RAB17: variants seen among roughly 807,000 people sequenced by gnomAD.
The protein encoded by RAB17 is RAB17, member RAS oncogene family.
Under a neutral mutation model 19.3 loss-of-function variants are expected in RAB17, and 15 were observed. The ratio of observed to expected loss-of-function variants is 0.78; its 90% CI spans 0.52 to 1.20. The LOEUF is 1.20. Ranked by LOEUF, RAB17 falls within the 50% of genes most tolerant of loss-of-function variation. The probability of loss-of-function intolerance (pLI) is 0.00; values close to 1 mark genes in which losing one functional copy is unlikely to be tolerated. For synonymous variants in RAB17, 110 were observed against 112.8 expected (o/e 0.97, Z 0.16); for missense variants, 262 against 269.3 (o/e 0.97, Z 0.19).
At chr2:237,579,221 C>G (rs2081290130) in intron 2 of RAB17, 1 of 152,196 alleles carries the variant, frequency 6.6e-6, no homozygotes, top group Admixed American at 6.6e-5. Flanking sequence ...GGTTTGGGGT[C>G]TGTTGGGGAG....
At chr2:237,582,153 GTTGGC>G (rs1276099090) in intron 2 of RAB17, among the ~76,000 whole-genome samples, 6 of 152,254 alleles carry the variant, frequency 3.9e-5, no homozygotes, top group African/African-American at 9.6e-5. Flanking sequence ...CAGCCAGCAC[GTTGGC>G]TTTCCAGCTT....
In RAB17 at chr2:237,590,681, A is replaced by T. The variant is rs2081389243; in HGVS notation, c.-218T>A. ...GCAGCCTCGGACCAGAGCAATGCCC[A>T]CTGGACCCCAGCGCCAAGGTCAGGC... On this transcript the variant is annotated 5_prime_UTR_variant, in exon 1 of 6. Coordinates refer to ENST00000264601, the MANE Select transcript of RAB17 (RefSeq NM_022449.4). 1 of 153,170 alleles carries T rather than the reference A, an allele frequency of 6.5e-6. No homozygotes were observed. The highest frequency in any genetic ancestry group is 1.5e-5 in the Non-Finnish European group (1 of 68,780). The allele number at this position is 153,170 out of a possible 1,614,324, so 9.5% of individuals were successfully genotyped here.
rs1053750605 is a variant in RAB17 at position 237,590,557 on chromosome 2, T to G, written c.-94A>C. The G allele has an allele frequency of 6.6e-6, 1 of 152,378 alleles. No homozygotes were observed. Among genetic ancestry groups the G allele is most frequent in the Non-Finnish European group, 1.5e-5 (1 of 68,194 alleles). The allele number at this position is 152,378 out of a possible 1,614,324, so 9.4% of individuals were successfully genotyped here. The stretch of plus-strand genomic sequence containing the variant: ...CTACCTGTCTCCGCTTTCTCCTCTC[T>G]CTGGTCCAGGGGAAGGTTTGCTTCC... On this transcript the variant is annotated 5_prime_UTR_variant, in exon 1 of 6. Transcript: ENST00000264601.
At chr2:237,589,211 A>C (rs868821404) in intron 1 of RAB17, among the ~76,000 whole-genome samples, 33 of 151,374 alleles carry the variant, frequency 2.2e-4, no homozygotes, top group African/African-American at 7.1e-4. Context: ...CAGAGCGAGA[A>C]TCTGTCTCCA....
Position 237,588,196 on chromosome 2 carries a change from C to T in RAB17, c.-3-2039G>A, listed in dbSNP as rs993337252. Reference sequence around the variant, plus strand: ...GGTTGGGTCATGAGGACTCTGCCCTCGTTAATCCACGCCCAGCACAGATTA... The same window carrying T: ...GGTTGGGTCATGAGGACTCTGCCCTTGTTAATCCACGCCCAGCACAGATTA... On this transcript the variant is annotated intron_variant, in intron 1 of 5. Transcript: ENST00000264601. Among the ~76,000 whole-genome samples, 4 of 151,814 alleles carry T rather than the reference C, an allele frequency of 2.6e-5. No homozygotes were observed. In the East Asian group the frequency reaches 7.7e-4, roughly 29 times the overall value.
At chr2:237,577,147 G>T in intron 4 of RAB17, 110 bp downstream of exon 4, 2 of 1,328,270 alleles carry the variant, frequency 1.5e-6, no homozygotes, top group Non-Finnish European at 2.1e-6. Flanking sequence ...GTGTAAGTGT[G>T]TGCGTGTGTG....
intron 2 of RAB17, 40 bp downstream of exon 2, chr2:237,585,958 G>T: frequency 6.4e-7 from 1 of 1,551,698 alleles, no homozygotes; most frequent in Non-Finnish European, 8.7e-7. Context: ...CCAGACTTCT[G>T]CACTGAAGAC....
chr2:237,575,665 G>C (rs545195707), intron 4 of RAB17, 185 bp from the exon 5 acceptor site: 129 of 570,666 alleles, frequency 2.3e-4, no homozygotes, highest in Non-Finnish European at 5.0e-5. Flanking sequence ...GGCGGGGTGT[G>C]CTCCCTGGAA....
At chr2:237,583,013 A>T (rs576726550) in intron 2 of RAB17, among the ~76,000 whole-genome samples, 26 of 152,226 alleles carry the variant, frequency 1.7e-4, no homozygotes, top group Non-Finnish European at 3.7e-4. Context: ...GAGGCAGGAG[A>T]ATCACTTGAA....
At chr2:237,590,249 G>A (rs1405669973) in intron 1 of RAB17, among the ~76,000 whole-genome samples, 1 of 151,832 alleles carries the variant, frequency 6.6e-6, no homozygotes, top group East Asian at 1.9e-4. Flanking sequence ...CCGACTTAGT[G>A]AGCCATCAGA....
intron 2 of RAB17, among the ~76,000 whole-genome samples, chr2:237,581,000 C>A (rs1421931295): frequency 6.6e-6 from 1 of 152,168 alleles, no homozygotes; most frequent in African/African-American, 2.4e-5. Flanking sequence ...TGGCTCTGAC[C>A]CGGAAGACAG....
At chr2:237,589,705 G>C (rs1286050807) in intron 1 of RAB17, among the ~76,000 whole-genome samples, 2 of 152,190 alleles carry the variant, frequency 1.3e-5, no homozygotes, top group African/African-American at 4.8e-5. Flanking sequence ...GTTATTAGTA[G>C]TGAAAGATGT....
At chr2:237,589,248 A>G (rs910149975) in intron 1 of RAB17, among the ~76,000 whole-genome samples, 1 of 148,804 alleles carries the variant, frequency 6.7e-6, no homozygotes, top group African/African-American at 2.6e-5. Context: ...TACTATAAAC[A>G]TACAAGTGTC....
chr2:237,577,982 C>G, intron 3 of RAB17, 22 bp downstream of exon 3: 1 of 1,581,728 alleles, frequency 6.3e-7, no homozygotes, highest in Non-Finnish European at 8.6e-7. Flanking sequence ...GAGGGTGGGA[C>G]GTGCCTCAAG....
rs960995975 is a variant in RAB17 at position 237,578,193 on chromosome 2, G to A, written c.158-38C>T. On this transcript the variant is annotated intron_variant, in intron 2 of 5. Coordinates refer to ENST00000264601, the MANE Select transcript of RAB17 (RefSeq NM_022449.4). Reference sequence around the variant, plus strand: ...GGCCCAGAGGGCTTACTCAGAGGACGAGGTTGCCACATGCGGCTCAGGTGG... The same window carrying A: ...GGCCCAGAGGGCTTACTCAGAGGACAAGGTTGCCACATGCGGCTCAGGTGG... The A allele has an allele frequency of 1.7e-5, 26 of 1,575,620 alleles. No individual in the cohort carries two copies. The Middle Eastern group carries it at 5.1e-4, about 31-fold the overall frequency.
intron 1 of RAB17, among the ~76,000 whole-genome samples, chr2:237,589,514 G>T (rs959359570): frequency 1.2e-4 from 18 of 152,196 alleles, no homozygotes; most frequent in African/African-American, 3.9e-4. Context: ...CCTAATACTG[G>T]ATTTTTACTT....
chr2:237,587,954 C>T (rs377672013), intron 1 of RAB17, among the ~76,000 whole-genome samples: 1 of 152,076 alleles, frequency 6.6e-6, no homozygotes, highest in African/African-American at 2.4e-5. Context: ...GAGCTGGGAA[C>T]AGTGTCTAGC....
chr2:237,581,243 C>T (rs999132207), intron 2 of RAB17, among the ~76,000 whole-genome samples: 17 of 150,954 alleles, frequency 1.1e-4, no homozygotes, highest in Non-Finnish European at 2.2e-4. Context: ...GGTGTGGTGG[C>T]GCACACCTGT....
At position 237,578,118 on chromosome 2, in the gene RAB17, G is replaced by T; in HGVS notation, c.195C>A (p.Thr65=). Residue 65 remains threonine, a synonymous_variant, in exon 3 of 6, where the codon ACC becomes ACA. Transcript: ENST00000264601. ...FFTKVVDVGA[T]SLKLEIWDTA... is the part of the protein sequence containing the mutation. ...TGTCCCAGATCTCAAGCTTCAGAGA[G>T]GTGGCACCCACATCCACCACCTTTG... 6.2e-7 allele frequency: 1 copy of T among 1,613,684 alleles called. No individual in the cohort carries two copies. Among genetic ancestry groups the T allele is most frequent in the Non-Finnish European group, 8.5e-7 (1 of 1,179,604 alleles).
Sources: allele counts gnomAD v4.1 joint callset (sites outside exome capture counted in the v4.1 genomes callset), GRCh38; gene constraint gnomAD v4.1.1; transcripts MANE v1.5; gene names NCBI Gene and HGNC (gene_info 2026-07-23, HGNC 2026-07-21).